SYT1: variants seen among roughly 807,000 people sequenced by gnomAD.
SYT1 encodes the protein synaptotagmin-1.
Under a neutral mutation model 44.8 loss-of-function variants are expected in SYT1, and 8 were observed. That is an observed-to-expected ratio of 0.18 (90% confidence interval 0.10 to 0.32). The LOEUF is 0.32. Ranked by LOEUF, SYT1 falls within the 10% of genes least tolerant of loss-of-function variation. The pLI, the probability that SYT1 is intolerant of heterozygous loss-of-function variation, is 1.00. For missense variants in SYT1, 286 were observed against 509.3 expected (o/e 0.56, Z 4.22); for synonymous variants, 154 against 188.8 (o/e 0.82, Z 1.51).
At chr12:79,077,419 T>C (rs1051065661) in intron 3 of SYT1, among the ~76,000 whole-genome samples, 1 of 152,148 alleles carries the variant, frequency 6.6e-6, no homozygotes, top group African/African-American at 2.4e-5. Context: ...ACTTTCTAGT[T>C]TCCAGTTTCT....
intron 7 of SYT1, among the ~76,000 whole-genome samples, chr12:79,296,731 A>G (rs533407721): frequency 2.0e-5 from 3 of 152,238 alleles, no homozygotes; most frequent in African/African-American, 7.2e-5. Flanking sequence ...ATATGAACAT[A>G]TTTTTTATTG....
At chr12:79,352,668 G>A (rs1257960096) in intron 8 of SYT1, among the ~76,000 whole-genome samples, 1 of 151,868 alleles carries the variant, frequency 6.6e-6, no homozygotes. Flanking sequence ...AAACACTTAA[G>A]GCAGGAGAAT....
chr12:78,979,655 G>A (rs1045561572), intron 2 of SYT1, among the ~76,000 whole-genome samples: 4 of 151,914 alleles, frequency 2.6e-5, no homozygotes, highest in African/African-American at 9.7e-5. Flanking sequence ...GCTGCAAAAA[G>A]CATTCTAGGT....
chr12:78,931,400 GGA>G (rs1289649174), intron 1 of SYT1, among the ~76,000 whole-genome samples: 1 of 118,476 alleles, frequency 8.4e-6, no homozygotes, highest in Non-Finnish European at 1.7e-5. Context: ...AAGGAAGGGA[GGA>G]GAGAGGAAGG....
intron 3 of SYT1, among the ~76,000 whole-genome samples, chr12:79,146,986 G>A (rs769905107): frequency 1.3e-5 from 2 of 151,864 alleles, no homozygotes; most frequent in Non-Finnish European, 2.9e-5. Flanking sequence ...GATTACAGGC[G>A]CCCACCACCA....
intron 8 of SYT1, among the ~76,000 whole-genome samples, chr12:79,301,796 G>A (rs144686838): frequency 6.7e-4 from 102 of 152,078 alleles, no homozygotes; most frequent in East Asian, 3.9e-3. Context: ...CATTACACTC[G>A]TAAAACTCTA....
At chr12:78,875,956 A>G (rs1376466494) in intron 1 of SYT1, among the ~76,000 whole-genome samples, 2 of 151,626 alleles carry the variant, frequency 1.3e-5, no homozygotes, top group Non-Finnish European at 3.0e-5. Flanking sequence ...CCTCATTTCT[A>G]AAGAAATTAA....
chr12:79,102,526 TA>T (rs1878501495), intron 3 of SYT1, among the ~76,000 whole-genome samples: 1 of 152,160 alleles, frequency 6.6e-6, no homozygotes, highest in African/African-American at 2.4e-5. Context: ...CTTCAATAAC[TA>T]AAATGCTGTA....
intron 8 of SYT1, among the ~76,000 whole-genome samples, chr12:79,352,681 G>A (rs1882959608): frequency 6.6e-6 from 1 of 151,568 alleles, no homozygotes; most frequent in Admixed American, 6.6e-5. Context: ...AGGAGAATCA[G>A]TAGGAGTCTT....
Position 79,293,405 on chromosome 12 carries a change from TA to T in SYT1, c.474+1279del, listed in dbSNP as rs1300645455. On this transcript the variant is annotated intron_variant, in intron 6 of 10. Transcript: ENST00000261205. ...TAAAATAAAATAAAATAAAATAAAA[TA>T]AAATTAAAAAATCTGTAAGACATAG... 7.3e-3 allele frequency among the ~76,000 whole-genome samples: 459 copies of T among 62,758 alleles called. 17 individuals are homozygous for T. The East Asian group carries it at 0.15, about 20-fold the overall frequency. The allele number at this position is 62,758 out of a possible 152,430, so 41.2% of individuals were successfully genotyped here. A position where few individuals can be genotyped will look rare whatever the true frequency, so the allele number is the denominator to read the frequency against.
intron 9 of SYT1, among the ~76,000 whole-genome samples, chr12:79,439,082 C>T (rs1263736221): frequency 2.0e-5 from 3 of 152,184 alleles, no homozygotes; most frequent in Non-Finnish European, 4.4e-5. Flanking sequence ...TTCCTTTTCT[C>T]TAATTCCTCA....
rs781592507 is a variant in SYT1 at position 79,217,489 on chromosome 12, C to G, written c.-17-14C>G. ...ATTTTGAATTGTTCTGTCTTTGCTTCCCTCCCCTCACAGCTTCACCTGAAC... is the reference window on the plus strand; with the variant it reads ...ATTTTGAATTGTTCTGTCTTTGCTTGCCTCCCCTCACAGCTTCACCTGAAC... On this transcript the variant is annotated splice_polypyrimidine_tract_variant and intron_variant, in intron 3 of 10. Coordinates refer to ENST00000261205, the MANE Select transcript of SYT1 (RefSeq NM_005639.3). The G allele has an allele frequency of 1.9e-6, 3 of 1,548,324 alleles. No individual in the cohort carries two copies. Among genetic ancestry groups the G allele is most frequent in the South Asian group, 2.4e-5 (2 of 83,266 alleles).
chr12:78,867,748 A>T (rs572142572), intron 1 of SYT1, among the ~76,000 whole-genome samples: 1 of 152,046 alleles, frequency 6.6e-6, no homozygotes, highest in African/African-American at 2.4e-5. Flanking sequence ...GGAGAATATT[A>T]GTTATTTCAT....
In SYT1 at chr12:79,282,783, C is replaced by T. The variant is rs149325809; in HGVS notation, c.167-3004C>T. 4.3e-4 allele frequency among the ~76,000 whole-genome samples: 66 copies of T among 151,982 alleles called. No individual in the cohort carries two copies. The East Asian group carries it at 0.013, about 29-fold the overall frequency. ...TCAAACTATTCAACCTATAGTTTTT[C>T]CTCTGTAAAACTGCAGTGATACTGA... On this transcript the variant is annotated intron_variant, in intron 4 of 10. Transcript: ENST00000261205.
chr12:79,411,343 TA>T (rs1247048857), intron 9 of SYT1, among the ~76,000 whole-genome samples: 1 of 152,166 alleles, frequency 6.6e-6, no homozygotes, highest in Non-Finnish European at 1.5e-5. Flanking sequence ...GTCATGAATC[TA>T]GTCTTGACCA....
chr12:79,325,982 C>A (rs1252940274), intron 8 of SYT1, among the ~76,000 whole-genome samples: 1 of 152,102 alleles, frequency 6.6e-6, no homozygotes, highest in African/African-American at 2.4e-5. Flanking sequence ...TTCCTACTAC[C>A]TCTTTAAAAT....
chr12:79,319,697 A>G (rs926495827), intron 8 of SYT1, among the ~76,000 whole-genome samples: 1 of 151,998 alleles, frequency 6.6e-6, no homozygotes, highest in Non-Finnish European at 1.5e-5. Context: ...GCTGCTCCCA[A>G]GATTTCTGGG....
chr12:79,377,273 G>A (rs1164422119), intron 9 of SYT1, among the ~76,000 whole-genome samples: 1 of 151,994 alleles, frequency 6.6e-6, no homozygotes, highest in Non-Finnish European at 1.5e-5. Flanking sequence ...CACCATGCCC[G>A]GCTAATTTTT....
chr12:79,293,678 T>G (rs1879744866), intron 6 of SYT1, among the ~76,000 whole-genome samples: 1 of 152,210 alleles, frequency 6.6e-6, no homozygotes, highest in Non-Finnish European at 1.5e-5. Flanking sequence ...CTGTGCTTTA[T>G]TTAGGAATTG....
Sources: gnomAD v4.1 joint callset for allele counts (sites outside exome capture counted in the v4.1 genomes callset) on GRCh38, gnomAD v4.1.1 for gene constraint, MANE v1.5 for transcripts, NCBI Gene and HGNC (gene_info 2026-07-23, HGNC 2026-07-21) for gene names.